RNF220: variants seen among roughly 807,000 people sequenced by gnomAD.
RNF220 encodes the protein E3 ubiquitin-protein ligase RNF220.
RNF220 carries 7 observed loss-of-function variants against 67.1 expected under a neutral mutation model. That is an observed-to-expected ratio of 0.10 (90% CI 0.06 to 0.20). The LOEUF (loss-of-function observed/expected upper bound fraction) is 0.20. Among genes scored for constraint, RNF220 ranks in the 10% least tolerant of loss-of-function variants. The probability of loss-of-function intolerance (pLI) is 1.00; values close to 1 mark genes in which losing one functional copy is unlikely to be tolerated. For missense variants in RNF220, 565 were observed against 740.3 expected (o/e 0.76, Z 2.75); for synonymous variants, 270 against 283.2 (o/e 0.95, Z 0.47).
intron 2 of RNF220, among the ~76,000 whole-genome samples, chr1:44,594,094 A>G (rs1217121136): frequency 6.6e-6 from 1 of 152,122 alleles, no homozygotes; most frequent in Non-Finnish European, 1.5e-5. Context: ...CAAAAGAAAA[A>G]AAAAAAAGGG....
At position 44,636,115 on chromosome 1, in the gene RNF220, G is replaced by A. The variant is rs1038817878; in HGVS notation, c.1079G>A (p.Gly360Glu). ...NNRFEEYEWC[G>E]QKRIRATTLL... ...CGCTTTGAGGAGTATGAGTGGTGTG[G>A]ACAGAAGCGGATACGGGCCACCACT... Residue 360 changes from glycine to glutamate, a missense_variant, in exon 8 of 15, where the codon GGA becomes GAA. Coordinates refer to ENST00000361799, the MANE Select transcript of RNF220 (RefSeq NM_018150.4). 6.2e-7 allele frequency: 1 copy of A among 1,613,552 alleles called. No individual in the cohort carries two copies. Among genetic ancestry groups the A allele is most frequent in the South Asian group, 1.1e-5 (1 of 91,076 alleles).
At chr1:44,503,201 G>A (rs1488251524) in intron 2 of RNF220, among the ~76,000 whole-genome samples, 3 of 151,972 alleles carry the variant, frequency 2.0e-5, no homozygotes, top group Non-Finnish European at 4.4e-5. Context: ...GGGTATGGTG[G>A]CACATGCCTG....
At chr1:44,630,543 G>C (rs1644086517) in intron 5 of RNF220, among the ~76,000 whole-genome samples, 1 of 152,198 alleles carries the variant, frequency 6.6e-6, no homozygotes, top group Non-Finnish European at 1.5e-5. Flanking sequence ...TGGGTAAATG[G>C]CTAGAGATGA....
At chr1:44,556,880 A>C (rs1194778353) in intron 2 of RNF220, among the ~76,000 whole-genome samples, 1 of 151,838 alleles carries the variant, frequency 6.6e-6, no homozygotes, top group African/African-American at 2.4e-5. Flanking sequence ...ATTTTTAAGC[A>C]AAGTTCTCCT....
intron 2 of RNF220, among the ~76,000 whole-genome samples, chr1:44,424,475 CTCA>C (rs1649541835): frequency 6.6e-6 from 1 of 151,988 alleles, no homozygotes; most frequent in Non-Finnish European, 1.5e-5. Flanking sequence ...TTAGGAATCA[CTCA>C]TCTAGGGTGA....
chr1:44,423,944 C>T (rs1649483354), intron 2 of RNF220: 1 of 985,284 alleles, frequency 1.0e-6, no homozygotes, highest in African/African-American at 1.7e-5. Context: ...AAAAACAGTT[C>T]CTTCCAGGCG....
In RNF220 at chr1:44,412,544, G is replaced by A. The variant is rs1648072330; in HGVS notation, c.447G>A (p.Glu149=). The A allele has an allele frequency of 1.1e-5, 17 of 1,614,050 alleles. No homozygotes were observed. The highest frequency in any genetic ancestry group is 1.4e-5 in the Non-Finnish European group (16 of 1,180,054). ...GACTTAAGAACTGCCATGACACAGA[G>A]TCTCCCCACTTGCGCTTCTCAGATG... The part of the protein sequence containing the change: ...AKRLKNCHDT[E]SPHLRFSDAD... Residue 149 remains glutamate (E), a synonymous_variant, in exon 2 of 15, where the codon GAG becomes GAA. Transcript: ENST00000361799. This position sits in a 1 kb window ranked among gnomAD's most constrained non-coding sequence, Gnocchi z 5.3.
intron 5 of RNF220, among the ~76,000 whole-genome samples, chr1:44,629,027 A>G (rs150812538): frequency 6.6e-6 from 1 of 152,346 alleles, no homozygotes; most frequent in Non-Finnish European, 1.5e-5. Context: ...CAGCTCATTC[A>G]TCCTGGAGGA....
chr1:44,572,935 G>T, intron 2 of RNF220: 1 of 363,128 alleles, frequency 2.8e-6, no homozygotes, highest in South Asian at 2.1e-5. Context: ...CCTCCAGGTG[G>T]AAATCACGTT....
At chr1:44,551,064 A>G (rs1033130688) in intron 2 of RNF220, among the ~76,000 whole-genome samples, 2 of 139,826 alleles carry the variant, frequency 1.4e-5, no homozygotes, top group Non-Finnish European at 3.1e-5. Context: ...CCCCTCTCCT[A>G]TCCTTTGTAG....
At chr1:44,415,459 C>T (rs1415713229) in intron 2 of RNF220, among the ~76,000 whole-genome samples, 3 of 151,766 alleles carry the variant, frequency 2.0e-5, no homozygotes, top group African/African-American at 7.3e-5. Flanking sequence ...TGATAGGATA[C>T]AGTGCTTTCG....
At chr1:44,527,925 C>CAAAAAAA (rs56409207) in intron 2 of RNF220, among the ~76,000 whole-genome samples, 986 of 56,160 alleles carry the variant, frequency 0.018, 292 homozygotes, top group Non-Finnish European at 0.022. Flanking sequence ...GACTCCATCC[C>CAAAAAAA]AAAAAAAAAA....
At chr1:44,427,044 A>G (rs1262630370) in intron 2 of RNF220, among the ~76,000 whole-genome samples, 1 of 152,218 alleles carries the variant, frequency 6.6e-6, no homozygotes, top group Non-Finnish European at 1.5e-5. Context: ...AGCACTTTCT[A>G]TATGTCAGGC....
rs529476058 is a variant in RNF220, at chr1:44,564,392, C to T, written c.626-49773C>T. 6.6e-5 allele frequency among the ~76,000 whole-genome samples: 10 copies of T among 152,230 alleles called. No homozygotes were observed. The East Asian group carries it at 1.5e-3, about 24-fold the overall frequency. ...CCCCAGAGATTCTGATATAATTGAT[C>T]TCAGCATGGCCCAGGAATCAGCATT... On this transcript the variant is annotated intron_variant, in intron 2 of 14. Coordinates refer to ENST00000361799, the MANE Select transcript of RNF220 (RefSeq NM_018150.4).
chr1:44,502,348 A>G (rs1572698741), intron 2 of RNF220, among the ~76,000 whole-genome samples: 1 of 152,300 alleles, frequency 6.6e-6, no homozygotes, highest in East Asian at 1.9e-4. Context: ...TACAACCATA[A>G]AGATAACTCC....
chr1:44,438,963 GT>G (rs1247002142), intron 2 of RNF220, among the ~76,000 whole-genome samples: 1 of 152,136 alleles, frequency 6.6e-6, no homozygotes, highest in Non-Finnish European at 1.5e-5. Context: ...TAAAAGCTTA[GT>G]ATTCCATTGC....
At chr1:44,481,623 C>G (rs962834681) in intron 2 of RNF220, among the ~76,000 whole-genome samples, 2 of 152,110 alleles carry the variant, frequency 1.3e-5, no homozygotes, top group African/African-American at 4.8e-5. Flanking sequence ...ATGGAACAAA[C>G]CTGCACGTTC....
At chr1:44,508,812 G>A (rs940249375) in intron 2 of RNF220, among the ~76,000 whole-genome samples, 1 of 152,200 alleles carries the variant, frequency 6.6e-6, no homozygotes, top group Non-Finnish European at 1.5e-5. Flanking sequence ...CATAATGACT[G>A]TTTGTACCTG....
chr1:44,531,443 C>G (rs1660823570), intron 2 of RNF220, among the ~76,000 whole-genome samples: 1 of 152,156 alleles, frequency 6.6e-6, no homozygotes, highest in African/African-American at 2.4e-5. Context: ...CACTCCGTTC[C>G]AAGCATTTAG....
Sources: gnomAD v4.1 joint callset for allele counts (sites outside exome capture counted in the v4.1 genomes callset) on GRCh38, gnomAD v4.1.1 for gene constraint, Gnocchi (gnomAD v3.1) non-coding constraint, MANE v1.5 for transcripts, NCBI Gene and HGNC (gene_info 2026-07-23, HGNC 2026-07-21) for gene names.